The following SLC27A6 variants were observed in gnomAD, a reference collection of about 807,000 sequenced individuals.
The protein encoded by SLC27A6 is solute carrier family 27 member 6, also known as long-chain fatty acid transport protein 6.
SLC27A6 carries 74 observed loss-of-function variants against 63.9 expected under a neutral mutation model. The observed-to-expected ratio is 1.16, with a 90% CI of 0.96 to 1.40. The LOEUF is 1.40. SLC27A6 is among the 40% of genes most tolerant of loss of function. The pLI, the probability that SLC27A6 is intolerant of heterozygous loss-of-function variation, is 0.00. For missense variants in SLC27A6, 794 were observed against 732.9 expected (o/e 1.08, Z -0.96); for synonymous variants, 287 against 260.8 (o/e 1.10, Z -0.97).
chr5:128,970,796 G>C (rs1416533648), intron 1 of SLC27A6, among the ~76,000 whole-genome samples: 2 of 141,444 alleles, frequency 1.4e-5, no homozygotes, highest in African/African-American at 2.5e-5. Context: ...CTTGCCTTCT[G>C]CTAGCTTTTG....
In SLC27A6 at chr5:129,033,264, A is replaced by AG; in HGVS notation, c.1846dup (p.Glu616GlyfsTer35). On this transcript the variant is annotated frameshift_variant, in exon 10 of 10. Coordinates refer to ENST00000262462, the MANE Select transcript of SLC27A6 (RefSeq NM_001017372.3). LOFTEE classifies it high-confidence loss of function. ...GGGAACTTTATGATCAAATAATGTT[A>AG]GGGGAAATAAAACTTTAAGATTTTT... The AG allele has an allele frequency of 6.4e-7, 1 of 1,570,234 alleles. No individual in the cohort carries two copies. The highest frequency in any genetic ancestry group is 8.6e-7 in the Non-Finnish European group (1 of 1,157,218).
At chr5:129,004,097 G>T (rs1580729223) in intron 4 of SLC27A6, among the ~76,000 whole-genome samples, 1 of 152,054 alleles carries the variant, frequency 6.6e-6, no homozygotes, top group Non-Finnish European at 1.5e-5. Context: ...TTATGTTTAG[G>T]CCCAGTTAGC....
chr5:129,000,598 TTGGGACTCTGA>T (rs1229295231), intron 4 of SLC27A6, among the ~76,000 whole-genome samples: 1 of 151,942 alleles, frequency 6.6e-6, no homozygotes, highest in Non-Finnish European at 1.5e-5. Flanking sequence ...AGGCAGGGAG[TTGGGACTCTGA>T]TGCATTCAGG....
chr5:128,966,476 C>A lies in SLC27A6; in HGVS notation c.339C>A (p.Ser113Arg). 1 of 1,608,956 alleles carries A rather than the reference C, an allele frequency of 6.2e-7. No homozygotes were observed. Among genetic ancestry groups the A allele is most frequent in the Non-Finnish European group, 8.5e-7 (1 of 1,177,774 alleles). ...KKGDTVALLM[S>R]NEPDFVHVWF... is the part of the protein sequence containing the mutation. ...GGGACACGGTGGCTCTGCTGATGAG[C>A]AATGAGCCGGACTTCGTTCACGTGT... The change falls in exon 1 of 10, where the codon AGC becomes AGA. Residue 113 changes from serine (S) to arginine (R), a missense_variant. By Grantham distance (110) the Ser-to-Arg change is moderately radical. Coordinates refer to ENST00000262462, the MANE Select transcript of SLC27A6 (RefSeq NM_001017372.3).
At chr5:128,968,447 C>A (rs370935736) in intron 1 of SLC27A6, among the ~76,000 whole-genome samples, 1 of 151,974 alleles carries the variant, frequency 6.6e-6, no homozygotes, top group South Asian at 2.1e-4. Flanking sequence ...TTTTAATGAT[C>A]GCCATTCTAA....
chr5:129,014,020 C>A (rs1375017156), intron 4 of SLC27A6, among the ~76,000 whole-genome samples: 1 of 152,148 alleles, frequency 6.6e-6, no homozygotes, highest in Non-Finnish European at 1.5e-5. Flanking sequence ...AGTATCTTTT[C>A]TCTTGGACTG....
At chr5:128,986,906 G>C (rs144347416) in intron 2 of SLC27A6, among the ~76,000 whole-genome samples, 2 of 152,024 alleles carry the variant, frequency 1.3e-5, no homozygotes, top group South Asian at 2.1e-4. Flanking sequence ...CCCCAGAAAG[G>C]CTCAGAAATT....
intron 4 of SLC27A6, among the ~76,000 whole-genome samples, chr5:128,990,756 G>T (rs1750950818): frequency 6.6e-6 from 1 of 152,202 alleles, no homozygotes; most frequent in South Asian, 2.1e-4. Context: ...GGTCATGGAA[G>T]AGAACCGTGG....
At chr5:129,017,554 CAT>C (rs886499365) in intron 5 of SLC27A6, among the ~76,000 whole-genome samples, 2 of 151,700 alleles carry the variant, frequency 1.3e-5, no homozygotes, top group African/African-American at 4.8e-5. Context: ...AAATTAATGA[CAT>C]AGAAAAAATG....
intron 5 of SLC27A6, among the ~76,000 whole-genome samples, chr5:129,022,957 A>AAATATTTG (rs1478277151): frequency 9.9e-5 from 15 of 152,192 alleles, no homozygotes; most frequent in African/African-American, 3.4e-4. Flanking sequence ...GAGTAGCTGA[A>AAATATTTG]GGGATGAGAG....
chr5:129,006,071 G>GTTTTTTTTTTTTGTTTTTTTT (rs1751514544), intron 4 of SLC27A6, among the ~76,000 whole-genome samples: 1 of 60,148 alleles, frequency 1.7e-5, no homozygotes, highest in Admixed American at 2.7e-4. Context: ...TGTGCACACT[G>GTTTTTTTTTTTTGTTTTTTTT]TTTTTTTTTT....
Position 128,985,114 on chromosome 5 carries a change from C to T in SLC27A6, c.482-19C>T. 6.3e-7 allele frequency: 1 copy of T among 1,598,532 alleles called. No homozygotes were observed. The highest frequency in any genetic ancestry group is 8.6e-7 in the Non-Finnish European group (1 of 1,167,866). On this transcript the variant is annotated intron_variant, in intron 1 of 9. Coordinates refer to ENST00000262462, the MANE Select transcript of SLC27A6 (RefSeq NM_001017372.3). ...AGATTTAAGGTTTGCTTAACTCTTC[C>T]CAACCCTTTGGCTTTTAGATTTGCT...
chr5:129,005,098 A>G (rs1580730038), intron 4 of SLC27A6, among the ~76,000 whole-genome samples: 1 of 152,056 alleles, frequency 6.6e-6, no homozygotes, highest in East Asian at 1.9e-4. Context: ...ACTGGCTTCC[A>G]GTTTTCTTCC....
At chr5:128,968,909 A>G (rs1351296920) in intron 1 of SLC27A6, among the ~76,000 whole-genome samples, 1 of 152,230 alleles carries the variant, frequency 6.6e-6, no homozygotes, top group African/African-American at 2.4e-5. Flanking sequence ...CTAACATTTA[A>G]GTCTTTAATC....
intron 4 of SLC27A6, among the ~76,000 whole-genome samples, 192 bp from the exon 5 acceptor site, chr5:129,015,693 T>C (rs1751868043): frequency 1.3e-5 from 2 of 152,198 alleles, no homozygotes; most frequent in South Asian, 4.1e-4. Flanking sequence ...ACACAAACTG[T>C]ATTATTCTTG....
intron 4 of SLC27A6, among the ~76,000 whole-genome samples, chr5:129,011,981 C>A (rs543918087): frequency 3.3e-5 from 5 of 151,712 alleles, no homozygotes; most frequent in Admixed American, 3.3e-4. Context: ...ATAGATATAT[C>A]TATATATGGT....
chr5:129,024,208 T>G (rs1190225416), intron 6 of SLC27A6, among the ~76,000 whole-genome samples: 4 of 152,096 alleles, frequency 2.6e-5, no homozygotes, highest in Non-Finnish European at 5.9e-5. Context: ...AGATGGTAAA[T>G]TATTAAAATA....
rs1750872159 is a variant in SLC27A6 at position 128,988,654 on chromosome 5, T to C, written c.740T>C (p.Val247Ala). 1 of 1,613,964 alleles carries C rather than the reference T, an allele frequency of 6.2e-7. No individual in the cohort carries two copies. The highest frequency in any genetic ancestry group is 1.3e-5 in the African/African-American group (1 of 74,926). Reference sequence around the variant, plus strand: ...CTGCAGGTTTTAAGGGGTTCTGCTGTCCTGTGGGCTTTTGGTTGTACTGCT... The same window carrying C: ...CTGCAGGTTTTAAGGGGTTCTGCTGCCCTGTGGGCTTTTGGTTGTACTGCT... ...SQLQVLRGSA[V>A]LWAFGCTAHD... Residue 247 changes from valine (V) to alanine (A), a missense_variant, in exon 3 of 10, where the codon GTC becomes GCC. Coordinates refer to ENST00000262462, the MANE Select transcript of SLC27A6 (RefSeq NM_001017372.3).
At chr5:128,985,010 C>T (rs1203512459) in intron 1 of SLC27A6, 123 bp from the exon 2 acceptor site, 3 of 677,946 alleles carry the variant, frequency 4.4e-6, no homozygotes, top group African/African-American at 1.8e-5. Flanking sequence ...ACTTATCCAA[C>T]ATAAGAAGGA....
Sources: allele counts gnomAD v4.1 joint callset (sites outside exome capture counted in the v4.1 genomes callset), GRCh38; gene constraint gnomAD v4.1.1; transcripts MANE v1.5; gene names NCBI Gene and HGNC (gene_info 2026-07-23, HGNC 2026-07-21).